Variants in RSAD1 observed in about 807,000 individuals in gnomAD.
RSAD1 encodes radical S-adenosyl methionine domain-containing protein 1, mitochondrial.
In RSAD1, 34 loss-of-function variants were observed where a neutral mutation model predicts 46.2. The observed-to-expected ratio is 0.74, with a 90% CI of 0.56 to 0.98. The LOEUF (loss-of-function observed/expected upper bound fraction) is 0.98. Ranked by LOEUF, RSAD1 falls within the 50% of genes least tolerant of loss-of-function variation. The pLI is 0.00. For synonymous variants in RSAD1, 260 were observed against 253.5 expected (o/e 1.03, Z -0.24); for missense variants, 635 against 592.3 (o/e 1.07, Z -0.75).
chr17:50,481,021 TTAAA>T (rs1481107360), intron 3 of RSAD1, among the ~76,000 whole-genome samples: 3 of 152,212 alleles, frequency 2.0e-5, no homozygotes, highest in Admixed American at 6.5e-5. Context: ...ATTATTCATT[TTAAA>T]TAATTCATTT....
At chr17:50,479,851 G>A (rs751211729) in intron 2 of RSAD1, 29 bp from the exon 3 acceptor site, 1 of 1,600,592 alleles carries the variant, frequency 6.2e-7, no homozygotes, top group East Asian at 2.2e-5. Context: ...GGCTCCCCCA[G>A]GTCTCATTTC....
chr17:50,480,121 G>A (rs749785405), intron 3 of RSAD1, 37 bp downstream of exon 3: 90 of 1,586,494 alleles, frequency 5.7e-5, no homozygotes, highest in African/African-American at 6.7e-5. Flanking sequence ...AGTGCACCCC[G>A]CCCTTCAGTG....
intron 3 of RSAD1, among the ~76,000 whole-genome samples, 168 bp from the exon 4 acceptor site, chr17:50,481,923 G>A (rs542953260): frequency 4.6e-5 from 7 of 152,252 alleles, no homozygotes; most frequent in Admixed American, 2.6e-4. Context: ...GGCACATAGC[G>A]ACCCTTCTGT....
chr17:50,480,112 G>T, intron 3 of RSAD1, 28 bp downstream of exon 3: 1 of 1,607,602 alleles, frequency 6.2e-7, no homozygotes, highest in Non-Finnish European at 8.5e-7. Flanking sequence ...CCCCATCCCA[G>T]TGCACCCCGC....
intron 1 of RSAD1, 69 bp from the exon 2 acceptor site, chr17:50,479,560 G>A (rs562710297): frequency 1.3e-5 from 20 of 1,599,454 alleles, no homozygotes; most frequent in Middle Eastern, 4.3e-4. Context: ...GGGGTTGGGG[G>A]TGTGTGCGAC....
chr17:50,479,485 T>C, intron 1 of RSAD1, 144 bp from the exon 2 acceptor site: 1 of 978,436 alleles, frequency 1.0e-6, no homozygotes, highest in Non-Finnish European at 1.5e-6. Flanking sequence ...GCGACCTGCC[T>C]TGGGGAGTTG....
intron 3 of RSAD1, chr17:50,480,530 G>T: frequency 5.0e-6 from 1 of 200,370 alleles, no homozygotes; most frequent in East Asian, 1.2e-4. Flanking sequence ...GAGTTCACCA[G>T]GTGAGGGGGT....
In RSAD1 at chr17:50,484,867, A is replaced by G; in HGVS notation, c.*6A>G. ...CCCCTGTGCCAGGAGGATGACAAAA[A>G]TGTTCCTGTGTTCCAGGGTAATGCC... On this transcript the variant is annotated 3_prime_UTR_variant, in exon 9 of 9. Coordinates refer to ENST00000258955, the MANE Select transcript of RSAD1 (RefSeq NM_018346.3). 1 of 1,612,426 alleles carries G rather than the reference A, an allele frequency of 6.2e-7. No individual in the cohort carries two copies. Among genetic ancestry groups the G allele is most frequent in the Non-Finnish European group, 8.5e-7 (1 of 1,178,650 alleles).
intron 6 of RSAD1, 109 bp downstream of exon 6, chr17:50,483,596 A>G (rs777022707): frequency 3.4e-4 from 540 of 1,592,008 alleles, no homozygotes; most frequent in Non-Finnish European, 4.4e-4. Context: ...GCCTTGCCAC[A>G]TACTGTATGG....
At chr17:50,483,513 T>C (rs749145033) in intron 6 of RSAD1, 26 bp downstream of exon 6, 2 of 1,609,556 alleles carry the variant, frequency 1.2e-6, no homozygotes, top group Admixed American at 3.4e-5. Flanking sequence ...CACAGGGCTC[T>C]CCTCCAGGAT....
Position 50,479,695 on chromosome 17 carries a change from G to A in RSAD1, c.202G>A (p.Glu68Lys), listed in dbSNP as rs2033356160. 1 of 1,613,908 alleles carries A rather than the reference G, an allele frequency of 6.2e-7. No homozygotes were observed. Among genetic ancestry groups the A allele is most frequent in the South Asian group, 1.1e-5 (1 of 91,078 alleles). ...FNKYIPRRLE[E>K]AAMQKCLVTE... ...CAAGTACATCCCTCGCCGCCTGGAG[G>A]AGGCTGCCATGCAGAAGTGTCTGGT... Residue 68 changes from glutamate to lysine, a missense_variant, in exon 2 of 9, where the codon GAG (glutamate) becomes AAG (lysine). Physicochemically the swap from Glu to Lys is moderately conservative, Grantham distance 56 (BLOSUM62 1). Coordinates refer to ENST00000258955, the MANE Select transcript of RSAD1 (RefSeq NM_018346.3).
rs758275204 is a variant in RSAD1, at chr17:50,482,188, G to A, written c.572G>A (p.Arg191His). The A allele has an allele frequency of 1.2e-5, 19 of 1,576,802 alleles. No homozygotes were observed. The highest frequency in any genetic ancestry group is 3.6e-5 in the Admixed American group (2 of 55,234). The change falls in exon 4 of 9, where the codon CGC becomes CAC. Residue 191 changes from arginine to histidine, a missense_variant. Transcript: ENST00000258955. ...LAEARRLFPG[R>H]VSVDLMLGLP... ...GAGGCCCGGCGCCTCTTTCCCGGGC[G>A]CGTGTCTGTAGACTTGATGCTGGGG... is the stretch of plus-strand genomic sequence containing the variant.
intron 5 of RSAD1, 43 bp downstream of exon 5, chr17:50,482,749 TGTC>T (rs756194848): frequency 9.5e-6 from 15 of 1,580,890 alleles, no homozygotes; most frequent in African/African-American, 1.4e-5. Flanking sequence ...AGGAGAGGAA[TGTC>T]GTGGCTGTGT....
chr17:50,484,650 G>T, intron 8 of RSAD1, 94 bp from the exon 9 acceptor site: 1 of 1,505,008 alleles, frequency 6.6e-7, no homozygotes, highest in Non-Finnish European at 9.2e-7. Context: ...CTGGTAAGGC[G>T]GGACCTGCGG....
At chr17:50,482,518 T>C in intron 4 of RSAD1, 62 bp downstream of exon 4, 3 of 1,609,148 alleles carry the variant, frequency 1.9e-6, no homozygotes, top group Non-Finnish European at 2.5e-6. Flanking sequence ...GACCAGGGCG[T>C]TGTGACCTTC....
Position 50,484,849 on chromosome 17 carries a change from G to T in RSAD1, c.1317G>T (p.Val439=), listed in dbSNP as rs138763321. The T allele has an allele frequency of 4.4e-5, 71 of 1,613,786 alleles. No individual in the cohort carries two copies. The highest frequency in any genetic ancestry group is 5.8e-5 in the Non-Finnish European group (68 of 1,179,906). ...EAWQQRTPSP[V]PGG Reference sequence around the variant, plus strand: ...GGCAGCAGAGAACCCCCTCCCCTGTGCCAGGAGGATGACAAAAATGTTCCT... The same window carrying T: ...GGCAGCAGAGAACCCCCTCCCCTGTTCCAGGAGGATGACAAAAATGTTCCT... The change falls in exon 9 of 9, where the codon GTG becomes GTT. Residue 439 remains valine (V), a synonymous_variant. Coordinates refer to ENST00000258955, the MANE Select transcript of RSAD1 (RefSeq NM_018346.3).
rs750709897 is a variant in RSAD1 at position 50,479,959 on chromosome 17, G to A, written c.349G>A (p.Ala117Thr). The change falls in exon 3 of 9, where the codon GCA becomes ACA. Residue 117 changes from alanine (A) to threonine (T), a missense_variant. Physicochemically the swap from Ala to Thr is moderately conservative, Grantham distance 58. Coordinates refer to ENST00000258955, the MANE Select transcript of RSAD1 (RefSeq NM_018346.3). ...HTVAAVLEAV[A>T]QAAHLPADLE... is the part of the protein sequence containing the mutation. ...GGTGGCTGCTGTCCTGGAGGCTGTG[G>A]CACAGGCAGCCCACCTGCCTGCAGA... The A allele has an allele frequency of 4.3e-6, 7 of 1,614,130 alleles. No homozygotes were observed. In the Admixed American group the frequency reaches 1.2e-4, roughly 27 times the overall value.
chr17:50,483,727 G>A lies in RSAD1; in HGVS notation c.1074G>A (p.Leu358=). 6.2e-7 allele frequency: 1 copy of A among 1,613,266 alleles called. No individual in the cohort carries two copies. The highest frequency in any genetic ancestry group is 8.5e-7 in the Non-Finnish European group (1 of 1,179,758). Residue 358 remains leucine (L), a synonymous_variant, in exon 7 of 9, where the codon CTG becomes CTA. Coordinates refer to ENST00000258955, the MANE Select transcript of RSAD1 (RefSeq NM_018346.3). ...RLELLEEVLA[L]GLRTDVGITH... is the part of the protein sequence containing the mutation. ...TGAGGCTGGAGGAAGTTTTGGCCCT[G>A]GGGCTACGCACCGATGTGGGGATCA... is the stretch of plus-strand genomic sequence containing the variant.
rs770467739 is a variant in RSAD1 at position 50,479,986 on chromosome 17, T to G, written c.376T>G (p.Leu126Val). The G allele has an allele frequency of 8.7e-6, 14 of 1,614,086 alleles. No individual in the cohort carries two copies. In the East Asian group the frequency reaches 2.5e-4, roughly 28 times the overall value. ...ACAGGCAGCCCACCTGCCTGCAGAC[T>G]TGGAAGTCACATTGGAGGCTAATCC... The part of the protein sequence containing the change: ...VAQAAHLPAD[L>V]EVTLEANPTS... The change falls in exon 3 of 9, where the codon TTG (leucine) becomes GTG (valine). Residue 126 changes from leucine (L) to valine (V), a missense_variant. Coordinates refer to ENST00000258955, the MANE Select transcript of RSAD1 (RefSeq NM_018346.3).
Sources: allele counts gnomAD v4.1 joint callset (sites outside exome capture counted in the v4.1 genomes callset), GRCh38; gene constraint gnomAD v4.1.1; transcripts MANE v1.5; gene names NCBI Gene and HGNC (gene_info 2026-07-23, HGNC 2026-07-21).